NCOR2: variants seen among roughly 807,000 people sequenced by gnomAD.
The protein encoded by NCOR2 is CTG repeat protein 26.
A neutral mutation model predicts 262.9 loss-of-function variants in NCOR2; 81 were observed. The observed-to-expected ratio is 0.31, with a 90% CI of 0.26 to 0.37. The LOEUF (loss-of-function observed/expected upper bound fraction) is 0.37. Among genes scored for constraint, NCOR2 ranks in the 10% least tolerant of loss-of-function variants. The pLI is 1.00. For missense variants in NCOR2, 3,385 were observed against 3,621.4 expected (o/e 0.93, Z 1.68); for synonymous variants, 1,659 against 1,559.3 (o/e 1.06, Z -1.51).
At chr12:124,376,676 G>A (rs1373694609) in intron 18 of NCOR2, among the ~76,000 whole-genome samples, 1 of 152,238 alleles carries the variant, frequency 6.6e-6, no homozygotes, top group Non-Finnish European at 1.5e-5. Context: ...GGGAAGCGGG[G>A]ATTCGGGCTG....
At chr12:124,340,518 G>C in intron 35 of NCOR2, 75 bp from the exon 38 acceptor site, 1 of 1,569,632 alleles carries the variant, frequency 6.4e-7, no homozygotes, top group East Asian at 2.3e-5. Flanking sequence ...GGGTGGGAAA[G>C]AGAGCAGGGC....
At chr12:124,411,291 G>C (rs917290542) in intron 13 of NCOR2, among the ~76,000 whole-genome samples, 1 of 151,244 alleles carries the variant, frequency 6.6e-6, no homozygotes, top group Non-Finnish European at 1.5e-5. Flanking sequence ...GAGAGAGAGA[G>C]AGAAACCTAG....
chr12:124,431,812 G>GACAGACAGACACACAGTCAC (rs2043961907), intron 8 of NCOR2, among the ~76,000 whole-genome samples: 1 of 150,042 alleles, frequency 6.7e-6, no homozygotes, highest in Non-Finnish European at 1.5e-5. Context: ...CAGGCAGACA[G>GACAGACAGACACACAGTCAC]ACAGACAGAC....
intron 15 of NCOR2, among the ~76,000 whole-genome samples, 185 bp from the exon 18 acceptor site, chr12:124,398,366 C>T (rs546341229): frequency 1.3e-5 from 2 of 152,388 alleles, no homozygotes; most frequent in African/African-American, 2.4e-5. Context: ...CACCGTGGCA[C>T]CTGACTCCCT....
At chr12:124,532,110 C>T (rs778057116) in intron 1 of NCOR2, among the ~76,000 whole-genome samples, 4 of 152,154 alleles carry the variant, frequency 2.6e-5, no homozygotes, top group East Asian at 1.9e-4. Flanking sequence ...GGGATAAGGA[C>T]GGTGCCCACC....
At chr12:124,332,361 T>C in exon 43 of NCOR2, 1 of 1,614,222 alleles carries the variant, frequency 6.2e-7, no homozygotes, top group Non-Finnish European at 8.5e-7. Context: ...AGCTTCTTGT[T>C]GATCTCTTGC....
At chr12:124,485,307 C>T (rs2047716085) in intron 2 of NCOR2, among the ~76,000 whole-genome samples, 1 of 152,220 alleles carries the variant, frequency 6.6e-6, no homozygotes, top group South Asian at 2.1e-4. Flanking sequence ...GGATTAGGAT[C>T]ACTGGGATCC....
At chr12:124,336,606 C>T (rs925579862) in intron 38 of NCOR2, 147 bp downstream of exon 40, 14 of 1,460,452 alleles carry the variant, frequency 9.6e-6, no homozygotes, top group East Asian at 7.6e-5. Context: ...CTTTGGACCA[C>T]GAGACGGGGT....
At chr12:124,446,400 C>T (rs2045174281) in intron 7 of NCOR2, among the ~76,000 whole-genome samples, 1 of 152,188 alleles carries the variant, frequency 6.6e-6, no homozygotes, top group Non-Finnish European at 1.5e-5. Context: ...TCATTATTAT[C>T]CCAACAGATA....
chr12:124,372,337 G>A, exon 20 of NCOR2: 2 of 1,520,328 alleles, frequency 1.3e-6, no homozygotes, highest in Middle Eastern at 1.8e-4. Context: ...CGCTGCTGCG[G>A]TCTCCTCCTC....
At chr12:124,474,801 A>C (rs536476933) in intron 3 of NCOR2, among the ~76,000 whole-genome samples, 1 of 152,216 alleles carries the variant, frequency 6.6e-6, no homozygotes, top group African/African-American at 2.4e-5. Context: ...TCCAGAACCC[A>C]GCCCCCGCCC....
At chr12:124,543,919 A>G (rs926386937) in intron 1 of NCOR2, among the ~76,000 whole-genome samples, 1 of 152,192 alleles carries the variant, frequency 6.6e-6, no homozygotes, top group East Asian at 1.9e-4. Flanking sequence ...CCTCCGCACA[A>G]TGCTAAGCCC....
At chr12:124,466,591 C>T (rs763310210) in intron 4 of NCOR2, among the ~76,000 whole-genome samples, 1 of 152,116 alleles carries the variant, frequency 6.6e-6, no homozygotes, top group African/African-American at 2.4e-5. Flanking sequence ...CATCAGTAAA[C>T]GGGGCTGATT....
At chr12:124,344,044 C>T (rs1384693842) in intron 32 of NCOR2, among the ~76,000 whole-genome samples, 1 of 152,156 alleles carries the variant, frequency 6.6e-6, no homozygotes, top group African/African-American at 2.4e-5. Flanking sequence ...GAAAGAAACC[C>T]ACTAAGTAAA....
intron 1 of NCOR2, among the ~76,000 whole-genome samples, chr12:124,509,873 G>GC (rs1380244887): frequency 1.3e-4 from 20 of 151,922 alleles, no homozygotes; most frequent in Non-Finnish European, 5.9e-5. Flanking sequence ...CCCGACGGCC[G>GC]CCCCCCACAG....
At chr12:124,484,755 C>CT (rs1395111727) in intron 2 of NCOR2, among the ~76,000 whole-genome samples, 1 of 152,238 alleles carries the variant, frequency 6.6e-6, no homozygotes, top group Non-Finnish European at 1.5e-5. Context: ...CCTGTCTGCT[C>CT]TCTCTCCACT....
At chr12:124,402,929 T>C (rs970726979) in intron 13 of NCOR2, among the ~76,000 whole-genome samples, 2 of 152,186 alleles carry the variant, frequency 1.3e-5, no homozygotes, top group African/African-American at 4.8e-5. Flanking sequence ...GTATTCAGCA[T>C]GCCTGTGCCT....
chr12:124,452,845 T>C (rs1565956654), intron 6 of NCOR2, among the ~76,000 whole-genome samples: 1 of 152,120 alleles, frequency 6.6e-6, no homozygotes, highest in Non-Finnish European at 1.5e-5. Flanking sequence ...AAGGCGGCCA[T>C]CGGTGAGGGG....
chr12:124,519,121 C>T (rs2137074349), intron 1 of NCOR2, among the ~76,000 whole-genome samples: 1 of 151,802 alleles, frequency 6.6e-6, no homozygotes. Context: ...CACACACACA[C>T]ACACACACAC....
Sources: allele counts gnomAD v4.1 joint callset (sites outside exome capture counted in the v4.1 genomes callset), GRCh38; gene constraint gnomAD v4.1.1; transcripts MANE v1.5; gene names NCBI Gene and HGNC (gene_info 2026-07-23, HGNC 2026-07-21).